HMMR: variants seen among roughly 807,000 people sequenced by gnomAD.
The protein encoded by HMMR is intracellular hyaluronic acid-binding protein.
In HMMR, 108 loss-of-function variants were observed where a neutral mutation model predicts 101.0. That is an observed-to-expected ratio of 1.07 (90% confidence interval 0.92 to 1.25). HMMR has a LOEUF of 1.25. Among genes scored for constraint, HMMR ranks in the 50% most tolerant of loss-of-function variants. HMMR has a pLI of 0.00. For synonymous variants in HMMR, 296 were observed against 276.4 expected, an observed-to-expected ratio of 1.07 and a Z score of -0.70; for missense variants, 813 against 788.7, an observed-to-expected ratio of 1.03 and a Z score of -0.37.
At chr5:163,482,591 T>G (rs777288260) in intron 12 of HMMR, 51 bp from the exon 13 acceptor site, 30 of 1,309,862 alleles carry the variant, frequency 2.3e-5, no homozygotes, top group Non-Finnish European at 3.3e-5. Context: ...GTTATGATTG[T>G]CATACGCAAT....
intron 12 of HMMR, 124 bp from the exon 13 acceptor site, chr5:163,482,518 A>G: frequency 1.5e-6 from 1 of 660,814 alleles, no homozygotes; most frequent in Non-Finnish European, 2.6e-6. Context: ...CCTGTGTTAA[A>G]TGCATGAATA....
At chr5:163,488,478 C>T (rs1759560876) in intron 16 of HMMR, among the ~76,000 whole-genome samples, 1 of 152,070 alleles carries the variant, frequency 6.6e-6, no homozygotes, top group Non-Finnish European at 1.5e-5. Context: ...GGTACAGCTC[C>T]CCCTCCTTTT....
chr5:163,467,674 T>G (rs1229148531), intron 3 of HMMR, 27 bp from the exon 4 acceptor site: 2 of 1,367,328 alleles, frequency 1.5e-6, no homozygotes, highest in African/African-American at 2.9e-5. Context: ...CTAAATTTGC[T>G]TATAAGTTTT....
At chr5:163,488,428 T>C (rs1056553757) in intron 16 of HMMR, among the ~76,000 whole-genome samples, 2 of 152,204 alleles carry the variant, frequency 1.3e-5, no homozygotes, top group Non-Finnish European at 2.9e-5. Flanking sequence ...AATTTTTCAT[T>C]GGAAAGTAAA....
chr5:163,490,201 T>C (rs533557799), intron 16 of HMMR, among the ~76,000 whole-genome samples, 189 bp from the exon 17 acceptor site: 44 of 152,310 alleles, frequency 2.9e-4, no homozygotes, highest in African/African-American at 9.6e-4. Context: ...TAAAAGACTG[T>C]ATCTCCTTTG....
At position 163,471,350 on chromosome 5, in the gene HMMR, C is replaced by T. The variant is rs1758884361; in HGVS notation, c.550-13C>T. ...CTTTCTCATTTCCTAAAACAGGTATCTTTGTTGTGTAGGGTATGATGGCTA... is the reference window on the plus strand; with the variant it reads ...CTTTCTCATTTCCTAAAACAGGTATTTTTGTTGTGTAGGGTATGATGGCTA... On this transcript the variant is annotated splice_polypyrimidine_tract_variant and intron_variant, in intron 6 of 17. Coordinates refer to ENST00000393915, the MANE Select transcript of HMMR (RefSeq NM_001142556.2). The T allele has an allele frequency of 6.2e-7, 1 of 1,613,064 alleles. No homozygotes were observed. The highest frequency in any genetic ancestry group is 1.3e-5 in the African/African-American group (1 of 75,020).
intron 1 of HMMR, among the ~76,000 whole-genome samples, chr5:163,461,879 A>C (rs1293613608): frequency 1.3e-5 from 2 of 152,014 alleles, no homozygotes; most frequent in African/African-American, 4.8e-5. Context: ...TATTGACCTC[A>C]TTTTACAGAT....
rs1206124486 is a variant in HMMR, at chr5:163,464,812, T to C, written c.225+10T>C. The C allele has an allele frequency of 3.2e-6, 5 of 1,552,832 alleles. No homozygotes were observed. Among genetic ancestry groups the C allele is most frequent in the Non-Finnish European group, 4.4e-6 (5 of 1,125,138 alleles). ...GTCTTCGGAATCAAAGGTGAGGAGC[T>C]TTTATATGCCAGCTGGTTTATCAAG... is the stretch of plus-strand genomic sequence containing the variant. On this transcript the variant is annotated intron_variant, in intron 3 of 17. Transcript: ENST00000393915.
chr5:163,484,924 C>T (rs1028735853), intron 16 of HMMR, among the ~76,000 whole-genome samples: 14 of 152,170 alleles, frequency 9.2e-5, no homozygotes, highest in Non-Finnish European at 1.9e-4. Context: ...TTTCAAGATT[C>T]ACCTGTGTTG....
intron 3 of HMMR, among the ~76,000 whole-genome samples, chr5:163,466,155 A>C (rs960553900): frequency 3.3e-5 from 5 of 150,710 alleles, no homozygotes; most frequent in Non-Finnish European, 5.9e-5. Context: ...AATCCCAGCT[A>C]CTCGGGAGGC....
At chr5:163,463,204 G>T (rs1354979528) in intron 1 of HMMR, among the ~76,000 whole-genome samples, 1 of 152,142 alleles carries the variant, frequency 6.6e-6, no homozygotes, top group Non-Finnish European at 1.5e-5. Flanking sequence ...TTGGCTTTTT[G>T]AATTTCCTAA....
chr5:163,488,842 G>A (rs1156754483), intron 16 of HMMR, among the ~76,000 whole-genome samples: 6 of 152,196 alleles, frequency 3.9e-5, no homozygotes, highest in African/African-American at 7.2e-5. Flanking sequence ...TCTGACTACA[G>A]AAGGGCTCGT....
intron 2 of HMMR, 144 bp downstream of exon 2, chr5:163,464,098 G>T (rs1758624601): frequency 4.7e-6 from 2 of 421,610 alleles, no homozygotes; most frequent in African/African-American, 4.1e-5. Context: ...TTTATGAAAG[G>T]GTCAAGTACA....
chr5:163,465,405 C>T (rs959557840), intron 3 of HMMR, among the ~76,000 whole-genome samples: 2 of 152,158 alleles, frequency 1.3e-5, no homozygotes, highest in Non-Finnish European at 1.5e-5. Context: ...GCCATCTCAG[C>T]TTACTGCAGC....
rs569471613 is a variant in HMMR, at chr5:163,464,776, A to G, written c.199A>G (p.Arg67Gly). ...DKDTTLPASA[R>G]KVKSSESKKE... ...AGATACTACCTTGCCTGCTTCAGCT[A>G]GAAAAGTTAAGTCTTCGGAATCAAA... The change falls in exon 3 of 18, where the codon AGA becomes GGA. Residue 67 changes from arginine to glycine, a missense_variant. Physicochemically the swap from Arg to Gly is moderately radical, Grantham distance 125. Transcript: ENST00000393915. 59 of 1,612,436 alleles carry G rather than the reference A, an allele frequency of 3.7e-5. No homozygotes were observed. The highest frequency in any genetic ancestry group is 3.1e-4 in the South Asian group (28 of 91,032).
intron 7 of HMMR, among the ~76,000 whole-genome samples, chr5:163,472,407 T>G (rs866056732): frequency 6.6e-6 from 1 of 152,236 alleles, no homozygotes; most frequent in Non-Finnish European, 1.5e-5. Flanking sequence ...AAAAGACTGC[T>G]GTGAACATGT....
intron 10 of HMMR, among the ~76,000 whole-genome samples, 191 bp from the exon 11 acceptor site, chr5:163,475,267 T>C (rs1162268902): frequency 1.3e-5 from 2 of 152,076 alleles, no homozygotes; most frequent in Admixed American, 6.6e-5. Context: ...TAAGATGATA[T>C]TTGCCACAAT....
chr5:163,480,360 A>C (rs1759214953), intron 12 of HMMR, among the ~76,000 whole-genome samples: 1 of 152,078 alleles, frequency 6.6e-6, no homozygotes, highest in African/African-American at 2.4e-5. Flanking sequence ...TTCATTCTGC[A>C]TTATGTGTGT....
chr5:163,475,242 G>C (rs1055940306), intron 10 of HMMR, among the ~76,000 whole-genome samples: 1 of 151,904 alleles, frequency 6.6e-6, no homozygotes, highest in Non-Finnish European at 1.5e-5. Flanking sequence ...CATGTGCGTT[G>C]CATAGAAAAA....
Sources: allele counts gnomAD v4.1 joint callset (sites outside exome capture counted in the v4.1 genomes callset), GRCh38; gene constraint gnomAD v4.1.1; transcripts MANE v1.5; gene names NCBI Gene and HGNC (gene_info 2026-07-23, HGNC 2026-07-21).